The following UBE3C variants were observed in gnomAD, a reference collection of about 807,000 sequenced individuals.
The protein encoded by UBE3C is ubiquitin protein ligase E3C.
A neutral mutation model predicts 129.4 loss-of-function variants in UBE3C; 42 were observed. The ratio of observed to expected loss-of-function variants is 0.32; its 90% CI spans 0.25 to 0.42. The LOEUF is 0.42. UBE3C is among the 10% of genes least tolerant of loss of function. UBE3C has a pLI of 1.00. For missense variants in UBE3C, 1,049 were observed against 1,319.1 expected (o/e 0.80, Z 3.17); for synonymous variants, 510 against 492.4 (o/e 1.04, Z -0.47).
chr7:157,212,515 C>T (rs1809623269), intron 13 of UBE3C, among the ~76,000 whole-genome samples: 1 of 152,190 alleles, frequency 6.6e-6, no homozygotes, highest in Non-Finnish European at 1.5e-5. Flanking sequence ...TTCTTATGAT[C>T]ATCATTGCCA....
chr7:157,173,072 A>C (rs1310853154), intron 4 of UBE3C, among the ~76,000 whole-genome samples: 1 of 152,214 alleles, frequency 6.6e-6, no homozygotes, highest in Non-Finnish European at 1.5e-5. Flanking sequence ...CCAGTCCAGG[A>C]AAAGGATAAA....
In UBE3C at chr7:157,261,299, T is replaced by A. The variant is rs201384626; in HGVS notation, c.3081+4255T>A. ...CCAGCCTGGGCAACAAGAGCAAAAC[T>A]CTGTCTGAAAAAAAAAAAAAAAAAA... On this transcript the variant is annotated intron_variant, in intron 22 of 22. Coordinates refer to ENST00000348165, the MANE Select transcript of UBE3C (RefSeq NM_014671.3). Among the ~76,000 whole-genome samples the A allele has an allele frequency of 1.7e-4, 11 of 65,476 alleles. No individual in the cohort carries two copies. The East Asian group carries it at 5.5e-3, about 33-fold the overall frequency. 43.0% of individuals were successfully genotyped at this position (65,476 alleles called of 152,430 possible).
At position 157,225,468 on chromosome 7, in the gene UBE3C, A is replaced by C; in HGVS notation, c.2162A>C (p.Asp721Ala). 1 of 1,604,162 alleles carries C rather than the reference A, an allele frequency of 6.2e-7. No homozygotes were observed. The highest frequency in any genetic ancestry group is 8.5e-7 in the Non-Finnish European group (1 of 1,177,660). The change falls in exon 17 of 23, where the codon GAT (aspartate) becomes GCT (alanine). Residue 721 changes from aspartate (D) to alanine (A), a missense_variant. This residue lies in a region of UBE3C where 314 missense variants were observed against 416.9 expected (regional missense o/e 0.75). Coordinates refer to ENST00000348165, the MANE Select transcript of UBE3C (RefSeq NM_014671.3). ...GTTCAAGGAGATGGTCCATTTCTGG[A>C]TGGAATTAATGTCACAATAAGAAGA... The part of the protein sequence containing the change: ...QEVQGDGPFL[D>A]GINVTIRRNY...
chr7:157,249,387 C>T (rs985111704), intron 19 of UBE3C, among the ~76,000 whole-genome samples: 2 of 152,030 alleles, frequency 1.3e-5, no homozygotes, highest in Admixed American at 6.6e-5. Flanking sequence ...GCAATCTCGG[C>T]TCACCACAAC....
In UBE3C at chr7:157,186,967, C is replaced by T. The variant is rs763392856; in HGVS notation, c.1277C>T (p.Ala426Val). The T allele has an allele frequency of 1.2e-6, 2 of 1,612,952 alleles. No individual in the cohort carries two copies. The highest frequency in any genetic ancestry group is 1.7e-6 in the Non-Finnish European group (2 of 1,179,516). ...SASEEVFTTM[A>V]SVCHTLMVQH... ...AGCGAGGAGGTCTTCACCACCATGG[C>T]CTCCGTCTGCCACACGCTGATGGTG... Residue 426 changes from alanine (A) to valine (V), a missense_variant, in exon 10 of 23, where the codon GCC becomes GTC. Physicochemically the swap from Ala to Val is moderately conservative, Grantham distance 64 (BLOSUM62 0). Transcript: ENST00000348165.
chr7:157,164,219 G>T (rs991925160), intron 2 of UBE3C, among the ~76,000 whole-genome samples: 3 of 151,838 alleles, frequency 2.0e-5, no homozygotes, highest in Non-Finnish European at 4.4e-5. Context: ...GAGTGCAGTG[G>T]CAAGATCATA....
intron 1 of UBE3C, among the ~76,000 whole-genome samples, chr7:157,162,266 C>T (rs1808091462): frequency 6.6e-6 from 1 of 151,868 alleles, no homozygotes; most frequent in Admixed American, 6.6e-5. Context: ...GTGATCTTGG[C>T]TCTCTGCAAG....
chr7:157,160,667 T>G (rs1252345943), intron 1 of UBE3C, among the ~76,000 whole-genome samples: 1 of 152,210 alleles, frequency 6.6e-6, no homozygotes, highest in Non-Finnish European at 1.5e-5. Flanking sequence ...TGTCTTTCCC[T>G]TGTTAATTGA....
chr7:157,220,901 C>T (rs762769121), intron 15 of UBE3C, 125 bp downstream of exon 15: 5 of 1,169,804 alleles, frequency 4.3e-6, no homozygotes, highest in Non-Finnish European at 5.9e-6. Context: ...GCAGGAGCTA[C>T]CATGTAGAAA....
At position 157,181,432 on chromosome 7, in the gene UBE3C, T is replaced by C. The variant is rs976319393; in HGVS notation, c.617-86T>C. 1.3e-4 allele frequency: 159 copies of C among 1,221,580 alleles called. No homozygotes were observed. In the Middle Eastern group the frequency reaches 2.0e-3, roughly 15 times the overall value. 75.7% of individuals were successfully genotyped at this position (1,221,580 alleles called of 1,614,324 possible). ...TAACTTAAGTTTGGACCTGTAGAGATGGTTAAAAGCATTTAAAAATTGGCA... is the reference window on the plus strand; with the variant it reads ...TAACTTAAGTTTGGACCTGTAGAGACGGTTAAAAGCATTTAAAAATTGGCA... On this transcript the variant is annotated intron_variant, in intron 6 of 22. Coordinates refer to ENST00000348165, the MANE Select transcript of UBE3C (RefSeq NM_014671.3).
intron 17 of UBE3C, among the ~76,000 whole-genome samples, chr7:157,229,829 T>TCTTGGACTCCTGGC (rs1795974511): frequency 6.6e-6 from 1 of 152,140 alleles, no homozygotes; most frequent in African/African-American, 2.4e-5. Context: ...CCCAGGCTGG[T>TCTTGGACTCCTGGC]CTTGGACTCC....
intron 1 of UBE3C, among the ~76,000 whole-genome samples, chr7:157,156,451 C>T (rs936712112): frequency 2.0e-5 from 3 of 151,340 alleles, no homozygotes; most frequent in Admixed American, 6.6e-5. Flanking sequence ...GGACTACAGG[C>T]GCATGTCACC....
intron 9 of UBE3C, among the ~76,000 whole-genome samples, chr7:157,184,860 A>T (rs1271064644): frequency 2.0e-5 from 3 of 152,252 alleles, no homozygotes. Context: ...TTTTTAAAAA[A>T]TAAGAGAAGA....
chr7:157,143,805 T>C (rs979431313), intron 1 of UBE3C, among the ~76,000 whole-genome samples: 1 of 152,100 alleles, frequency 6.6e-6, no homozygotes, highest in Non-Finnish European at 1.5e-5. Context: ...ATTTGGGGGT[T>C]ATCAACAGAA....
intron 2 of UBE3C, among the ~76,000 whole-genome samples, chr7:157,165,522 C>T (rs1193952301): frequency 2.0e-5 from 3 of 151,970 alleles, no homozygotes; most frequent in South Asian, 2.1e-4. Flanking sequence ...CTCAGCCTCC[C>T]GAGTAGCTGG....
intron 9 of UBE3C, among the ~76,000 whole-genome samples, chr7:157,184,524 A>T (rs979212759): frequency 6.6e-6 from 1 of 152,222 alleles, no homozygotes; most frequent in African/African-American, 2.4e-5. Flanking sequence ...TTATATATAC[A>T]TGCATACATA....
At chr7:157,259,817 G>T (rs55730101) in intron 22 of UBE3C, among the ~76,000 whole-genome samples, 5,281 of 152,230 alleles carry the variant, frequency 0.035, 244 homozygotes, top group African/African-American at 0.11. Flanking sequence ...TCATTGGATT[G>T]TACATTTAAA....
Position 157,225,434 on chromosome 7 carries a change from A to T in UBE3C, c.2128A>T (p.Lys710Ter). The change falls in exon 17 of 23, where the codon AAG (lysine) becomes TAG (stop). Residue 710 changes from lysine (K) to a stop codon, truncating the protein, a stop_gained. Coordinates refer to ENST00000348165, the MANE Select transcript of UBE3C (RefSeq NM_014671.3). LOFTEE classifies it high-confidence loss of function. Reference protein sequence around the residue: ...KIFQRLIYADKQEVQGDGPFL... With the variant: ...KIFQRLIYAD ...CTTTCAGAGGTTGATTTATGCAGAT[A>T]AGCAAGAAGTTCAAGGAGATGGTCC... is the stretch of plus-strand genomic sequence containing the variant. 6.2e-7 allele frequency: 1 copy of T among 1,606,340 alleles called. No individual in the cohort carries two copies. Among genetic ancestry groups the T allele is most frequent in the Non-Finnish European group, 8.5e-7 (1 of 1,178,242 alleles).
chr7:157,222,501 C>G (rs1458803841), intron 15 of UBE3C: 1 of 152,074 alleles, frequency 6.6e-6, no homozygotes, highest in Non-Finnish European at 1.5e-5. Flanking sequence ...TCACTGCAGC[C>G]TTGAACTCTG....
Sources: gnomAD v4.1 joint callset for allele counts (sites outside exome capture counted in the v4.1 genomes callset) on GRCh38, gnomAD v4.1.1 for gene constraint, gnomAD v4.1.1 regional missense constraint, MANE v1.5 for transcripts, NCBI Gene and HGNC (gene_info 2026-07-23, HGNC 2026-07-21) for gene names.